SAFB: variants seen among roughly 807,000 people sequenced by gnomAD.
The protein encoded by SAFB is scaffold attachment factor B.
SAFB carries 15 observed loss-of-function variants against 101.6 expected under a neutral mutation model. The ratio of observed to expected loss-of-function variants is 0.15; its 90% CI spans 0.10 to 0.23. SAFB has a LOEUF of 0.23. SAFB is among the 10% of genes least tolerant of loss of function. SAFB has a pLI of 1.00. For missense variants in SAFB, 930 were observed against 1,104.1 expected (o/e 0.84, Z 2.23); for synonymous variants, 449 against 407.5 (o/e 1.10, Z -1.23).
intron 13 of SAFB, 105 bp downstream of exon 13, chr19:5,654,561 C>G: frequency 3.8e-6 from 3 of 790,138 alleles, no homozygotes; most frequent in Non-Finnish European, 6.6e-6. Flanking sequence ...AAGCTTTTGT[C>G]GGCCGTTTCG....
intron 2 of SAFB, among the ~76,000 whole-genome samples, chr19:5,631,219 A>G (rs1262717138): frequency 6.6e-6 from 1 of 152,210 alleles, no homozygotes; most frequent in Non-Finnish European, 1.5e-5. Flanking sequence ...ATTTGTCATC[A>G]GAAAGATCAC....
Position 5,661,399 on chromosome 19 carries a change from A to T in SAFB, c.1863-119A>T. 3 of 1,520,886 alleles carry T rather than the reference A, an allele frequency of 2.0e-6. No individual in the cohort carries two copies. The South Asian group carries it at 3.9e-5, about 20-fold the overall frequency. The allele number at this position is 1,520,886 out of a possible 1,614,324, so 94.2% of individuals were successfully genotyped here. On this transcript the variant is annotated intron_variant, in intron 14 of 20. Transcript: ENST00000588852. ...TTCCCGCTGGAGTGTACGGTTCTGC[A>T]GACCACGTAGTGGACGCACAGCCCT... is the stretch of plus-strand genomic sequence containing the variant.
intron 13 of SAFB, among the ~76,000 whole-genome samples, chr19:5,655,774 TGGAAAAC>T (rs1200024378): frequency 6.6e-6 from 1 of 152,186 alleles, no homozygotes; most frequent in African/African-American, 2.4e-5. Flanking sequence ...AAAACACCTT[TGGAAAAC>T]GGAAAAAGGA....
intron 2 of SAFB, 89 bp downstream of exon 2, chr19:5,626,578 G>T: frequency 1.3e-6 from 1 of 787,756 alleles, no homozygotes; most frequent in South Asian, 1.6e-5. Context: ...TTGTCTGTGT[G>T]TTGGACTTGT....
intron 4 of SAFB, among the ~76,000 whole-genome samples, chr19:5,644,230 A>T (rs2053779928): frequency 6.6e-6 from 1 of 152,108 alleles, no homozygotes; most frequent in Non-Finnish European, 1.5e-5. Context: ...ACAATTCCTG[A>T]AGAATTTACT....
chr19:5,653,482 T>C, intron 11 of SAFB, 62 bp downstream of exon 11: 1 of 1,478,696 alleles, frequency 6.8e-7, no homozygotes, highest in Non-Finnish European at 9.3e-7. Context: ...TTGTTTTGTT[T>C]TTGAGATGGA....
At chr19:5,628,390 A>G (rs938055118) in intron 2 of SAFB, among the ~76,000 whole-genome samples, 2 of 152,202 alleles carry the variant, frequency 1.3e-5, no homozygotes, top group Non-Finnish European at 2.9e-5. Flanking sequence ...ACGCATAATG[A>G]GATAATCTTG....
chr19:5,644,040 T>C (rs190400665), intron 4 of SAFB, among the ~76,000 whole-genome samples: 3 of 152,246 alleles, frequency 2.0e-5, no homozygotes, highest in Admixed American at 2.0e-4. Context: ...TGGGTTGTTT[T>C]TGTTTTGTTT....
Position 5,623,410 on chromosome 19 carries a change from C to G in SAFB, c.189+16C>G, listed in dbSNP as rs769329789. 1.9e-6 allele frequency: 3 copies of G among 1,609,496 alleles called. No homozygotes were observed. The highest frequency in any genetic ancestry group is 2.6e-6 in the Non-Finnish European group (3 of 1,176,416). The stretch of plus-strand genomic sequence containing the variant: ...GCTGAAGAAGGTGGATTTGGGGCCC[C>G]GAGGGCGGGCACAGGGTGGGTCTGG... On this transcript the variant is annotated intron_variant, in intron 1 of 20. Coordinates refer to ENST00000588852, the MANE Select transcript of SAFB (RefSeq NM_001201338.2).
At position 5,635,308 on chromosome 19, in the gene SAFB, A is replaced by G. The variant is rs767480033; in HGVS notation, c.275-6286A>G. On this transcript the variant is annotated intron_variant, in intron 2 of 20. Coordinates refer to ENST00000588852, the MANE Select transcript of SAFB (RefSeq NM_001201338.2). The stretch of plus-strand genomic sequence containing the variant: ...ATGGAGGTGGATCAATACGCAGTAC[A>G]TAAAAATGTCCAAGGCCTGTTAGTA... Among the ~76,000 whole-genome samples, 17 of 152,110 alleles carry G rather than the reference A, an allele frequency of 1.1e-4. 1 individual carries two copies. Among genetic ancestry groups the G allele is most frequent in the African/African-American group, 3.6e-4 (15 of 41,438 alleles).
At chr19:5,628,271 AGCTGG>A (rs1370753100) in intron 2 of SAFB, among the ~76,000 whole-genome samples, 1 of 152,136 alleles carries the variant, frequency 6.6e-6, no homozygotes, top group East Asian at 1.9e-4. Flanking sequence ...AATCAGCTGA[AGCTGG>A]GCTTGTAGAC....
At chr19:5,626,167 A>G (rs118077171) in intron 1 of SAFB, among the ~76,000 whole-genome samples, 1 of 152,306 alleles carries the variant, frequency 6.6e-6, no homozygotes, top group East Asian at 1.9e-4. Context: ...AGGAAGAAGC[A>G]AAAACTGAGC....
chr19:5,642,431 G>C (rs1468383727), intron 4 of SAFB, among the ~76,000 whole-genome samples: 1 of 151,656 alleles, frequency 6.6e-6, no homozygotes, highest in Non-Finnish European at 1.5e-5. Context: ...GGGTGGCAGA[G>C]TCTGACAGAA....
At chr19:5,645,248 A>T in intron 4 of SAFB, 89 bp from the exon 5 acceptor site, 1 of 640,142 alleles carries the variant, frequency 1.6e-6, no homozygotes, top group Non-Finnish European at 2.9e-6. Flanking sequence ...AATTATTTTC[A>T]TAGCTGTTCA....
intron 2 of SAFB, among the ~76,000 whole-genome samples, chr19:5,640,409 A>C (rs2053682213): frequency 8.4e-6 from 1 of 118,492 alleles, no homozygotes; most frequent in Non-Finnish European, 1.6e-5. Context: ...CTCTGTTGCC[A>C]GACTGGAGTG....
chr19:5,657,171 C>T (rs1311278652), intron 13 of SAFB, 70 bp from the exon 14 acceptor site: 4 of 1,141,920 alleles, frequency 3.5e-6, no homozygotes, highest in Non-Finnish European at 5.2e-6. Context: ...TTTGAAAGTG[C>T]TTGGATTACA....
intron 1 of SAFB, chr19:5,623,812 GA>G (rs915035845): frequency 1.8e-5 from 3 of 166,334 alleles, no homozygotes; most frequent in African/African-American, 7.2e-5. Context: ...CAGGCCCTGG[GA>G]TTCCTGATTC....
At chr19:5,623,419 G>A (rs187575290) in intron 1 of SAFB, 25 bp downstream of exon 1, 241 of 1,606,516 alleles carry the variant, frequency 1.5e-4, no homozygotes, top group Non-Finnish European at 1.8e-4. Context: ...CCGAGGGCGG[G>A]CACAGGGTGG....
rs1347457812 is a variant in SAFB, at chr19:5,653,960, C to T, written c.1527-101C>T. ...TTCACCATGTTGGCCAGGCTGGTCT[C>T]GAACTCCCGGTCTCATGTGATCCGC... On this transcript the variant is annotated intron_variant, in intron 11 of 20. Coordinates refer to ENST00000588852, the MANE Select transcript of SAFB (RefSeq NM_001201338.2). 1.8e-5 allele frequency: 19 copies of T among 1,079,812 alleles called. No individual in the cohort carries two copies. In the African/African-American group the frequency reaches 1.9e-4, roughly 11 times the overall value. 66.9% of individuals were successfully genotyped at this position (1,079,812 alleles called of 1,614,324 possible).
Sources: gnomAD v4.1 joint callset for allele counts (sites outside exome capture counted in the v4.1 genomes callset) on GRCh38, gnomAD v4.1.1 for gene constraint, MANE v1.5 for transcripts, NCBI Gene and HGNC (gene_info 2026-07-23, HGNC 2026-07-21) for gene names.